Variants in SEMA6A observed in about 807,000 individuals in gnomAD.
SEMA6A encodes the protein semaphorin-6A.
Under a neutral mutation model 96.8 loss-of-function variants are expected in SEMA6A, and 25 were observed. That is an observed-to-expected ratio of 0.26 (90% confidence interval 0.19 to 0.36). The LOEUF is 0.36. Ranked by LOEUF, SEMA6A falls within the 10% of genes least tolerant of loss-of-function variation. The pLI, the probability that SEMA6A is intolerant of heterozygous loss-of-function variation, is 1.00. For synonymous variants in SEMA6A, 612 were observed against 518.0 expected (o/e 1.18, Z -2.46); for missense variants, 1,363 against 1,323.1 (o/e 1.03, Z -0.47).
Position 116,502,285 on chromosome 5 carries a change from C to G in SEMA6A, c.143G>C (p.Arg48Pro), listed in dbSNP as rs772535945. Residue 48 changes from arginine to proline, a missense_variant, in exon 3 of 19, where the codon CGG (arginine) becomes CCG (proline). By Grantham distance (103) the Arg-to-Pro change is moderately radical. This residue lies in a region of SEMA6A where 480 missense variants were observed against 559.5 expected (regional missense o/e 0.86). Coordinates refer to ENST00000343348, the MANE Select transcript of SEMA6A (RefSeq NM_020796.5). The stretch of plus-strand genomic sequence containing the variant: ...CAGCCTGTGCCTCTGTGTGGTGTTC[C>G]GTCCTGGCTTGTGGCCCACAAACAC... ...YPVFVGHKPG[R>P]NTTQRHRLDI... is the part of the protein sequence containing the mutation. 7 of 1,613,718 alleles carry G rather than the reference C, an allele frequency of 4.3e-6. No individual in the cohort carries two copies. In the Admixed American group the frequency reaches 1.2e-4, roughly 27 times the overall value.
intron 1 of SEMA6A, among the ~76,000 whole-genome samples, chr5:116,509,218 A>G (rs570393042): frequency 6.6e-6 from 1 of 152,362 alleles, no homozygotes; most frequent in South Asian, 2.1e-4. Flanking sequence ...TAGTGACGTG[A>G]AAAATAATAT....
chr5:116,554,487 A>G lies in SEMA6A; in HGVS notation c.-39+19698T>C, dbSNP rs116079272. ...ATATTTGCACAAAACTACATCACAG[A>G]TAAAATAAAATACACACATTTATTT... On this transcript the variant is annotated intron_variant, in intron 1 of 18. Coordinates refer to ENST00000343348, the MANE Select transcript of SEMA6A (RefSeq NM_020796.5). 4.2e-3 allele frequency among the ~76,000 whole-genome samples: 641 copies of G among 152,348 alleles called. 8 individuals carry two copies. Among genetic ancestry groups the G allele is most frequent in the African/African-American group, 0.015 (610 of 41,578 alleles).
At chr5:116,453,558 T>TG (rs991489646) in intron 18 of SEMA6A, among the ~76,000 whole-genome samples, 15 of 152,340 alleles carry the variant, frequency 9.8e-5, no homozygotes, top group African/African-American at 3.6e-4. Flanking sequence ...AAATACCATT[T>TG]GGAAGGCTGT....
chr5:116,497,014 A>G (rs898877508), intron 4 of SEMA6A, among the ~76,000 whole-genome samples: 1 of 152,256 alleles, frequency 6.6e-6, no homozygotes, highest in Admixed American at 6.5e-5. Flanking sequence ...TTGTGGAACA[A>G]AATTTTACTT....
rs1233126702 is a variant in SEMA6A at position 116,557,938 on chromosome 5, GATAA to G, written c.-39+16243_-39+16246del. ...CTATGCAATAATGTGGCACGTAATA[GATAA>G]ATAATCTATAATTTGGTTTCTCGGC... On this transcript the variant is annotated intron_variant, in intron 1 of 18. Transcript: ENST00000343348. Among the ~76,000 whole-genome samples the G allele has an allele frequency of 2.0e-5, 3 of 152,284 alleles. No individual in the cohort carries two copies. The East Asian group carries it at 5.8e-4, about 29-fold the overall frequency.
rs79901471 is a variant in SEMA6A at position 116,568,039 on chromosome 5, A to G, written c.-39+6146T>C. 8.5e-3 allele frequency among the ~76,000 whole-genome samples: 1,300 copies of G among 152,324 alleles called. 17 individuals are homozygous for G. The highest frequency in any genetic ancestry group is 0.03 in the African/African-American group (1,244 of 41,568). Reference sequence around the variant, plus strand: ...GCTCTAGGTGAACTGTACAATTTCAATGAATTTGAACATATTATTTAGTTG... The same window carrying G: ...GCTCTAGGTGAACTGTACAATTTCAGTGAATTTGAACATATTATTTAGTTG... On this transcript the variant is annotated intron_variant, in intron 1 of 18. Transcript: ENST00000343348.
At chr5:116,475,394 T>C in intron 16 of SEMA6A, 151 bp downstream of exon 16, 1 of 517,316 alleles carries the variant, frequency 1.9e-6, no homozygotes, top group Non-Finnish European at 3.4e-6. Context: ...ACGCACTGCT[T>C]TCTTTGTTTG....
At chr5:116,516,172 C>G (rs564392839) in intron 1 of SEMA6A, among the ~76,000 whole-genome samples, 1 of 152,278 alleles carries the variant, frequency 6.6e-6, no homozygotes, top group East Asian at 1.9e-4. Flanking sequence ...TTACAAGCTT[C>G]TGATTATACA....
At chr5:116,480,368 A>G (rs1346544784) in intron 11 of SEMA6A, 91 bp from the exon 12 acceptor site, 4 of 1,455,684 alleles carry the variant, frequency 2.7e-6, no homozygotes, top group African/African-American at 2.8e-5. Context: ...AGCATCTGGA[A>G]TGGAGGAGAA....
At chr5:116,533,308 T>C (rs576935541) in intron 1 of SEMA6A, among the ~76,000 whole-genome samples, 2 of 151,610 alleles carry the variant, frequency 1.3e-5, no homozygotes, top group African/African-American at 4.9e-5. Context: ...AGGTTTGAAA[T>C]GCCTAACAGT....
At chr5:116,524,112 G>A (rs911284345) in intron 1 of SEMA6A, among the ~76,000 whole-genome samples, 7 of 152,162 alleles carry the variant, frequency 4.6e-5, no homozygotes, top group African/African-American at 1.7e-4. Context: ...CATGGGGCGT[G>A]CAAAGTATTT....
intron 3 of SEMA6A, among the ~76,000 whole-genome samples, chr5:116,501,560 A>T (rs1757880936): frequency 6.6e-6 from 1 of 152,266 alleles, no homozygotes; most frequent in African/African-American, 2.4e-5. Flanking sequence ...TTCACACTAT[A>T]TAATACATGT....
At position 116,447,347 on chromosome 5, in the gene SEMA6A, A is replaced by G. The variant is rs1470788379; in HGVS notation, c.2359T>C (p.Cys787Arg). The G allele has an allele frequency of 6.2e-7, 1 of 1,613,882 alleles. No individual in the cohort carries two copies. The highest frequency in any genetic ancestry group is 1.7e-5 in the Admixed American group (1 of 60,034). ...WERNQNLINA[C>R]TKDMPPMGSP... is the part of the protein sequence containing the mutation. ...CCCATGGGGGGCATGTCCTTTGTGC[A>G]GGCATTGATGAGGTTCTGGTTCCTC... Residue 787 changes from cysteine (C) to arginine (R), a missense_variant, in exon 19 of 19, where the codon TGC becomes CGC. This residue lies in a region of SEMA6A where 883 missense variants were observed against 763.6 expected (regional missense o/e 1.16). Transcript: ENST00000343348.
At chr5:116,547,242 T>C (rs1360824950) in intron 1 of SEMA6A, among the ~76,000 whole-genome samples, 2 of 152,224 alleles carry the variant, frequency 1.3e-5, no homozygotes, top group African/African-American at 2.4e-5. Flanking sequence ...TGAAGAGGTA[T>C]AGCATTGATG....
chr5:116,527,153 ATAAAGTT>A (rs1458164738), intron 1 of SEMA6A, among the ~76,000 whole-genome samples: 1 of 152,174 alleles, frequency 6.6e-6, no homozygotes, highest in Non-Finnish European at 1.5e-5. Flanking sequence ...ACTCCCGACA[ATAAAGTT>A]TAAACTGTTA....
At chr5:116,502,956 C>T (rs952165701) in intron 2 of SEMA6A, among the ~76,000 whole-genome samples, 1 of 152,184 alleles carries the variant, frequency 6.6e-6, no homozygotes, top group African/African-American at 2.4e-5. Context: ...TTTGACAGGA[C>T]AGGGTCAAAC....
chr5:116,487,922 A>T (rs939681084), intron 9 of SEMA6A, among the ~76,000 whole-genome samples, 186 bp downstream of exon 9: 1 of 152,182 alleles, frequency 6.6e-6, no homozygotes, highest in Non-Finnish European at 1.5e-5. Flanking sequence ...TAAATTTTCC[A>T]TAGAAATACT....
chr5:116,516,279 G>A (rs115351937), intron 1 of SEMA6A, among the ~76,000 whole-genome samples: 3,917 of 152,234 alleles, frequency 0.026, 71 homozygotes, highest in Middle Eastern at 0.041. Flanking sequence ...TATATACACA[G>A]TACATTTTCT....
rs66523615 is a variant in SEMA6A, at chr5:116,551,317, TACACACACAC to T, written c.-39+22858_-39+22867del. Among the ~76,000 whole-genome samples, 14 of 142,414 alleles carry T rather than the reference TACACACACAC, an allele frequency of 9.8e-5. No individual in the cohort carries two copies. In the South Asian group the frequency reaches 1.2e-3, roughly 12 times the overall value. The allele number at this position is 142,414 out of a possible 152,430, so 93.4% of individuals were successfully genotyped here. A position where few individuals can be genotyped will look rare whatever the true frequency, so the allele number is the denominator to read the frequency against. ...TCAATTCTGCATGATAGTCTTAGCATACACACACACACACACACACACACACACACACACA... is the reference window on the plus strand; with the variant it reads ...TCAATTCTGCATGATAGTCTTAGCATACACACACACACACACACACACACA... On this transcript the variant is annotated intron_variant, in intron 1 of 18. Transcript: ENST00000343348.
Sources: allele counts gnomAD v4.1 joint callset (sites outside exome capture counted in the v4.1 genomes callset), GRCh38; gene constraint gnomAD v4.1.1; regional missense constraint gnomAD v4.1.1; transcripts MANE v1.5; gene names NCBI Gene and HGNC (gene_info 2026-07-23, HGNC 2026-07-21).